TANC2: variants seen among roughly 807,000 people sequenced by gnomAD.
TANC2 encodes tetratricopeptide repeat, ankyrin repeat and coiled-coil containing 2, also known as protein TANC2.
TANC2 carries 26 observed loss-of-function variants against 210.5 expected under a neutral mutation model. The observed-to-expected ratio is 0.12, with a 90% CI of 0.09 to 0.17. TANC2 has a LOEUF of 0.17. Ranked by LOEUF, TANC2 falls within the 10% of genes least tolerant of loss-of-function variation. The pLI is 1.00. For missense variants in TANC2, 2,129 were observed against 2,608.9 expected (o/e 0.82, Z 4.01); for synonymous variants, 931 against 967.1 (o/e 0.96, Z 0.69).
intron 7 of TANC2, among the ~76,000 whole-genome samples, chr17:63,205,524 A>G (rs893694195): frequency 2.6e-5 from 4 of 152,286 alleles, no homozygotes; most frequent in Non-Finnish European, 5.9e-5. Context: ...TTCCTTGGAT[A>G]TGAACCAAAA....
chr17:63,248,382 G>T (rs2042971889), intron 8 of TANC2, among the ~76,000 whole-genome samples: 1 of 152,062 alleles, frequency 6.6e-6, no homozygotes, highest in South Asian at 2.1e-4. Context: ...GCAGGATGGG[G>T]ATGGGAATGA....
chr17:63,206,101 T>C (rs1000396971), intron 7 of TANC2, among the ~76,000 whole-genome samples: 1 of 152,086 alleles, frequency 6.6e-6, no homozygotes, highest in African/African-American at 2.4e-5. Flanking sequence ...TGAAAAGATA[T>C]TCAACATTAC....
Position 63,412,320 on chromosome 17 carries a change from T to G in TANC2, c.3898+190T>G, listed in dbSNP as rs2048729498. On this transcript the variant is annotated intron_variant, in intron 23 of 27. Transcript: ENST00000689528. This position sits in a 1 kb window ranked among gnomAD's most constrained non-coding sequence, Gnocchi z 4.2. The stretch of plus-strand genomic sequence containing the variant: ...ATCTGAGCCATGGTCTGCAGTCCCC[T>G]GTGTCCAGAACCACGTGGTTCTCTA... 6.6e-6 allele frequency among the ~76,000 whole-genome samples: 1 copy of G among 152,204 alleles called. No individual in the cohort carries two copies. The highest frequency in any genetic ancestry group is 1.5e-5 in the Non-Finnish European group (1 of 68,052).
intron 7 of TANC2, among the ~76,000 whole-genome samples, chr17:63,205,915 A>G (rs2041695292): frequency 6.6e-6 from 1 of 152,180 alleles, no homozygotes; most frequent in South Asian, 2.1e-4. Flanking sequence ...CTCAAAAAGA[A>G]AAAAAAGCAA....
At chr17:63,425,718 G>T (rs1377892496) in exon 28 of TANC2, 1 of 152,194 alleles carries the variant, frequency 6.6e-6, no homozygotes, top group South Asian at 2.1e-4. Context: ...AGGGGTCTTC[G>T]TGCATCTGTG....
At chr17:63,360,072 C>T (rs1404828262) in intron 14 of TANC2, among the ~76,000 whole-genome samples, 2 of 152,164 alleles carry the variant, frequency 1.3e-5, no homozygotes, top group Non-Finnish European at 2.9e-5. Flanking sequence ...AGGGTGTCCT[C>T]CCCAAAGTGA....
At chr17:63,379,925 T>A (rs1484991396) in intron 15 of TANC2, 99 bp downstream of exon 15, 5 of 1,048,762 alleles carry the variant, frequency 4.8e-6, no homozygotes, top group Non-Finnish European at 7.0e-6. Context: ...CCTTCTGAAG[T>A]TCTTTTGCTG....
At chr17:63,045,421 A>G (rs1381823990) in intron 2 of TANC2, among the ~76,000 whole-genome samples, 1 of 152,220 alleles carries the variant, frequency 6.6e-6, no homozygotes, top group African/African-American at 2.4e-5. Flanking sequence ...TAAAATTTCA[A>G]TTTATTCAAA....
intron 7 of TANC2, among the ~76,000 whole-genome samples, chr17:63,207,021 CTTCT>C (rs2041736975): frequency 6.6e-6 from 1 of 152,004 alleles, no homozygotes; most frequent in Non-Finnish European, 1.5e-5. Flanking sequence ...CTAAAGCCTT[CTTCT>C]GTATCTCTTC....
intron 14 of TANC2, among the ~76,000 whole-genome samples, chr17:63,358,766 A>G (rs1381814126): frequency 6.6e-6 from 1 of 152,210 alleles, no homozygotes; most frequent in Admixed American, 6.5e-5. Flanking sequence ...GCAACCTTTT[A>G]GTGACTCTCA....
At chr17:63,003,380 A>G (rs1568309307) in intron 1 of TANC2, among the ~76,000 whole-genome samples, 2 of 152,220 alleles carry the variant, frequency 1.3e-5, no homozygotes. Flanking sequence ...GACACACCCC[A>G]CAGTGGATGC....
intron 4 of TANC2, among the ~76,000 whole-genome samples, chr17:63,147,667 C>T (rs2039509100): frequency 6.6e-6 from 1 of 152,154 alleles, no homozygotes; most frequent in Non-Finnish European, 1.5e-5. Flanking sequence ...ACTGCTGGTC[C>T]AGGCACCACA....
At position 63,067,144 on chromosome 17, in the gene TANC2, A is replaced by G. The variant is rs528429571; in HGVS notation, c.68-6799A>G. 5.9e-5 allele frequency among the ~76,000 whole-genome samples: 9 copies of G among 152,364 alleles called. No individual in the cohort carries two copies. The East Asian group carries it at 1.7e-3, about 29-fold the overall frequency. On this transcript the variant is annotated intron_variant, in intron 2 of 27. Transcript: ENST00000689528. ...AAGAAGACTTGGAGTTTCATAACTCAAAACATTCATAATGTCCGGATGCAA... is the reference window on the plus strand; with the variant it reads ...AAGAAGACTTGGAGTTTCATAACTCGAAACATTCATAATGTCCGGATGCAA...
chr17:63,020,510 G>T (rs1044673338), intron 2 of TANC2, among the ~76,000 whole-genome samples: 2 of 152,062 alleles, frequency 1.3e-5, no homozygotes, highest in Admixed American at 1.3e-4. Context: ...TTATGATGTT[G>T]CCCAGGCAGA....
intron 7 of TANC2, among the ~76,000 whole-genome samples, chr17:63,228,341 T>C (rs1370542446): frequency 2.0e-5 from 3 of 152,232 alleles, no homozygotes; most frequent in African/African-American, 7.2e-5. Flanking sequence ...AGCCGTCTAC[T>C]ATAGTTTGAA....
At chr17:62,983,310 A>G (rs892185508) in intron 1 of TANC2, among the ~76,000 whole-genome samples, 1 of 151,828 alleles carries the variant, frequency 6.6e-6, no homozygotes, top group Non-Finnish European at 1.5e-5. Context: ...CGTTTATTGA[A>G]TTCGTTGATC....
At chr17:62,975,543 CTTTTTTTTTTAATTTTT>C (rs1361890402) in intron 1 of TANC2, among the ~76,000 whole-genome samples, 3 of 141,758 alleles carry the variant, frequency 2.1e-5, no homozygotes, top group Admixed American at 7.1e-5. Flanking sequence ...CATTTTCGGG[CTTTTTTTTTTAATTTTT>C]TTTTTTTTTT....
intron 4 of TANC2, among the ~76,000 whole-genome samples, chr17:63,135,868 A>G (rs1388440820): frequency 6.6e-6 from 1 of 152,204 alleles, no homozygotes; most frequent in Non-Finnish European, 1.5e-5. Context: ...ATATACGGAA[A>G]TGAAACCTAA....
At chr17:63,255,585 C>T (rs1271728140) in intron 8 of TANC2, among the ~76,000 whole-genome samples, 1 of 152,054 alleles carries the variant, frequency 6.6e-6, no homozygotes, top group Non-Finnish European at 1.5e-5. Flanking sequence ...TCAAGGTTTT[C>T]CAATTGATTG....
Sources: allele counts gnomAD v4.1 joint callset (sites outside exome capture counted in the v4.1 genomes callset), GRCh38; gene constraint gnomAD v4.1.1; non-coding constraint Gnocchi (gnomAD v3.1); transcripts MANE v1.5; gene names NCBI Gene and HGNC (gene_info 2026-07-23, HGNC 2026-07-21).